The following CBARP variants were observed in gnomAD, a reference collection of about 807,000 sequenced individuals.
CBARP encodes CACN subunit beta associated regulatory protein, also known as voltage-dependent calcium channel beta subunit-associated regulatory protein.
In CBARP, 24 loss-of-function variants were observed where a neutral mutation model predicts 36.3. That is an observed-to-expected ratio of 0.66 (90% confidence interval 0.48 to 0.93). The LOEUF (loss-of-function observed/expected upper bound fraction) is 0.93, where lower values mean the gene tolerates loss of function less well. CBARP is among the 40% of genes least tolerant of loss of function. CBARP has a pLI of 0.00. For missense variants in CBARP, 1,146 were observed against 980.4 expected (o/e 1.17, Z -2.26); for synonymous variants, 586 against 453.2 (o/e 1.29, Z -3.72).
chr19:1,234,517 C>G (rs2080936243), intron 6 of CBARP, 54 bp downstream of exon 6: 1 of 1,535,006 alleles, frequency 6.5e-7, no homozygotes, highest in Non-Finnish European at 8.8e-7. Flanking sequence ...TCCGGGAGTC[C>G]CCGGGGCTGC....
Position 1,235,491 on chromosome 19 carries a change from A to G in CBARP, c.310+10T>C. 2 of 1,579,404 alleles carry G rather than the reference A, an allele frequency of 1.3e-6. No homozygotes were observed. The highest frequency in any genetic ancestry group is 1.4e-5 in the African/African-American group (1 of 73,614). On this transcript the variant is annotated intron_variant, in intron 4 of 9. Coordinates refer to ENST00000650044, the MANE Select transcript of CBARP (RefSeq NM_001393918.1). ...AGGCGAGCGCACAGCCAGGCTGGCC[A>G]GCACCTCACCTTGGGCTGGGTGGGT...
At chr19:1,235,238 G>A (rs1306608475) in intron 4 of CBARP, 93 bp from the exon 5 acceptor site, 1 of 1,322,374 alleles carries the variant, frequency 7.6e-7, no homozygotes, top group East Asian at 3.1e-5. Context: ...CCACGGCAGG[G>A]AGGGCTGGGG....
Position 1,231,268 on chromosome 19 carries a change from G to A in CBARP, c.987C>T (p.Pro329=), listed in dbSNP as rs777406939. The A allele has an allele frequency of 6.2e-7, 1 of 1,600,412 alleles. No individual in the cohort carries two copies. Among genetic ancestry groups the A allele is most frequent in the South Asian group, 1.1e-5 (1 of 91,050 alleles). The change falls in exon 9 of 10, where the codon CCC becomes CCT. Residue 329 remains proline (P), a synonymous_variant. Transcript: ENST00000650044. The stretch of plus-strand genomic sequence containing the variant: ...GCTGCCGCTGGAAGTGGTGCCGCTT[G>A]GGGGAACCTGCGCACGGGATGTGCC... ...RAASLDTRGS[P]KRHHFQRQRA... is the part of the protein sequence containing the mutation.
At chr19:1,237,021 G>T (rs1408915616) in intron 1 of CBARP, among the ~76,000 whole-genome samples, 1 of 152,154 alleles carries the variant, frequency 6.6e-6, no homozygotes, top group Non-Finnish European at 1.5e-5. Flanking sequence ...ACGCTGTGCG[G>T]CGCAGCCGGG....
In CBARP at chr19:1,229,371, G is replaced by T; in HGVS notation, c.1926C>A (p.Val642=). 8.6e-7 allele frequency: 1 copy of T among 1,165,992 alleles called. No individual in the cohort carries two copies. Among genetic ancestry groups the T allele is most frequent in the East Asian group, 1.0e-4 (1 of 10,026 alleles). The allele number at this position is 1,165,992 out of a possible 1,614,324, so 72.2% of individuals were successfully genotyped here. Residue 642 remains valine, a synonymous_variant, in exon 10 of 10, where the codon GTC becomes GTA. Transcript: ENST00000650044. This position sits in a 1 kb window ranked among gnomAD's most constrained non-coding sequence, Gnocchi z 5.1. ...CCCCGCCGCCCGGCTCCTCCTCGAT[G>T]ACGGGGATGGCGGGGTCGTCGCCGG... ...GGAGDDPAIP[V]IEEEPGGGGC...
In CBARP at chr19:1,234,687, G is replaced by A. The variant is rs138588991; in HGVS notation, c.511C>T (p.Leu171=). ...HHLKNARLTH[L]HLPPLKIVTI... is the part of the protein sequence containing the mutation. The stretch of plus-strand genomic sequence containing the variant: ...ACAATCTTGAGGGGCGGCAGGTGCA[G>A]GTGCGTGAGCCGGGCATTCTTCAGG... Residue 171 remains leucine, a synonymous_variant, in exon 6 of 10, where the codon CTG becomes TTG. Coordinates refer to ENST00000650044, the MANE Select transcript of CBARP (RefSeq NM_001393918.1). The A allele has an allele frequency of 1.9e-3, 3,034 of 1,613,076 alleles. 7 individuals carry two copies. The highest frequency in any genetic ancestry group is 2.4e-3 in the Non-Finnish European group (2,868 of 1,179,752).
rs369312374 is a variant in CBARP, at chr19:1,235,252, C to T, written c.311-107G>A. On this transcript the variant is annotated intron_variant, in intron 4 of 9. Coordinates refer to ENST00000650044, the MANE Select transcript of CBARP (RefSeq NM_001393918.1). Reference sequence around the variant, plus strand: ...GCCACGGCAGGGAGGGCTGGGGCCGCGGCACGGGCGGCCGGGCTGGCGGGG... The same window carrying T: ...GCCACGGCAGGGAGGGCTGGGGCCGTGGCACGGGCGGCCGGGCTGGCGGGG... 5.7e-5 allele frequency: 71 copies of T among 1,252,586 alleles called. No individual in the cohort carries two copies. The African/African-American group carries it at 7.8e-4, about 14-fold the overall frequency. The allele number at this position is 1,252,586 out of a possible 1,614,324, so 77.6% of individuals were successfully genotyped here.
intron 8 of CBARP, 49 bp from the exon 9 acceptor site, chr19:1,231,324 G>A (rs1250635813): frequency 1.2e-5 from 19 of 1,568,362 alleles, no homozygotes; most frequent in East Asian, 2.3e-5. Flanking sequence ...GCCTCCACCC[G>A]CTCCACACAC....
At chr19:1,232,506 TGGCCC>T (rs1469199181) in intron 8 of CBARP, among the ~76,000 whole-genome samples, 6 of 152,192 alleles carry the variant, frequency 3.9e-5, no homozygotes, top group Admixed American at 6.5e-5. Flanking sequence ...TGGGCTGCCC[TGGCCC>T]TGCTGAGCTG....
Position 1,234,995 on chromosome 19 carries a change from G to A in CBARP, c.455+6C>T, listed in dbSNP as rs754742693. The A allele has an allele frequency of 9.4e-6, 15 of 1,597,406 alleles. No individual in the cohort carries two copies. Among genetic ancestry groups the A allele is most frequent in the East Asian group, 4.5e-5 (2 of 44,518 alleles). ...CTGGGGTGCCTCCCAACGCCGCCCC[G>A]CTTACCGGCGACCCTTGTCCTGCGT... On this transcript the variant is annotated splice_donor_region_variant and intron_variant, in intron 5 of 9. Coordinates refer to ENST00000650044, the MANE Select transcript of CBARP (RefSeq NM_001393918.1).
Position 1,229,448 on chromosome 19 carries a change from G to A in CBARP, c.1849C>T (p.Arg617Trp). The A allele has an allele frequency of 1.0e-6, 1 of 983,354 alleles. No individual in the cohort carries two copies. The highest frequency in any genetic ancestry group is 1.2e-6 in the Non-Finnish European group (1 of 830,072). 60.9% of individuals were successfully genotyped at this position (983,354 alleles called of 1,614,324 possible). The stretch of plus-strand genomic sequence containing the variant: ...GGGCCGTCCACGCTGTCGCCGCGCC[G>A]CAAGGGCGCACGCGCGGGTCGGGCC... Reference protein sequence around the residue: ...GAARPARAPLRRGDSVDGPPD... With the variant: ...GAARPARAPLWRGDSVDGPPD... Residue 617 changes from arginine to tryptophan, a missense_variant, in exon 10 of 10, where the codon CGG becomes TGG. Arg to Trp is a moderately radical substitution (Grantham distance 101). Coordinates refer to ENST00000650044, the MANE Select transcript of CBARP (RefSeq NM_001393918.1). This position sits in a 1 kb window ranked among gnomAD's most constrained non-coding sequence, Gnocchi z 5.1.
At position 1,229,258 on chromosome 19, in the gene CBARP, G is replaced by C; in HGVS notation, c.2039C>G (p.Pro680Arg). The change falls in exon 10 of 10, where the codon CCG (proline) becomes CGG (arginine). Residue 680 changes from proline to arginine, a missense_variant. Transcript: ENST00000650044. This position sits in a 1 kb window ranked among gnomAD's most constrained non-coding sequence, Gnocchi z 5.1. ...CGCCACGACGGGCTCGGCGAGGCGC[G>C]GCGGAAAGAGTCTCTCGTCGAGGCC... ...AAGLDERLFP[P>R]RLAEPVVATP... 1 of 1,246,566 alleles carries C rather than the reference G, an allele frequency of 8.0e-7. No individual in the cohort carries two copies. The highest frequency in any genetic ancestry group is 1.0e-6 in the Non-Finnish European group (1 of 970,864). The allele number at this position is 1,246,566 out of a possible 1,614,324, so 77.2% of individuals were successfully genotyped here.
intron 9 of CBARP, chr19:1,230,721 G>T: frequency 1.6e-6 from 2 of 1,289,124 alleles, no homozygotes; most frequent in Non-Finnish European, 9.8e-7. Context: ...TGGCCGGAGT[G>T]GTCACAGCAG....
At chr19:1,235,657 T>G in intron 3 of CBARP, 92 bp from the exon 4 acceptor site, 1 of 1,586,286 alleles carries the variant, frequency 6.3e-7, no homozygotes, top group South Asian at 1.1e-5. Flanking sequence ...GCCCTGCGCA[T>G]CACCCAGTCT....
At position 1,234,624 on chromosome 19, in the gene CBARP, C is replaced by T. The variant is rs1405306850; in HGVS notation, c.574G>A (p.Ala192Thr). ...HECDSGEASSATTPHPATSPK... is the reference protein window; with the variant it reads ...HECDSGEASSTTTPHPATSPK... ...GAGGTGGCCGGGTGGGGCGTGGTGG[C>T]TGAGCTGGCCTCGCCTGAGTCACAC... The change falls in exon 6 of 10, where the codon GCC becomes ACC. Residue 192 changes from alanine to threonine, a missense_variant. Transcript: ENST00000650044. 2 of 1,609,860 alleles carry T rather than the reference C, an allele frequency of 1.2e-6. No individual in the cohort carries two copies. The highest frequency in any genetic ancestry group is 1.7e-6 in the Non-Finnish European group (2 of 1,178,724).
chr19:1,232,431 C>A (rs2080906439), intron 8 of CBARP, among the ~76,000 whole-genome samples: 1 of 152,188 alleles, frequency 6.6e-6, no homozygotes, highest in South Asian at 2.1e-4. Context: ...TGTCCCCTAT[C>A]CTGGCCTCAC....
At position 1,233,597 on chromosome 19, in the gene CBARP, C is replaced by CA. The variant is rs750445014; in HGVS notation, c.807_808insT (p.Gly270TrpfsTer73). The CA allele has an allele frequency of 5.6e-6, 9 of 1,610,472 alleles. No homozygotes were observed. The highest frequency in any genetic ancestry group is 5.9e-6 in the Non-Finnish European group (7 of 1,179,104). ...GCCTCCCCAGGCCCTGCTGCAGCCC[C>CA]GGGCCCTCCAGCCTTGGTGCTCCTG... On this transcript the variant is annotated frameshift_variant, in exon 8 of 10. Transcript: ENST00000650044. LOFTEE classifies it high-confidence loss of function.
At chr19:1,236,159 A>G in intron 1 of CBARP, 38 bp from the exon 2 acceptor site, 14 of 1,375,318 alleles carry the variant, frequency 1.0e-5, no homozygotes, top group South Asian at 6.8e-5. Flanking sequence ...AGCTAGACCT[A>G]CTTCTCCTGC....
chr19:1,237,137 A>C (rs2080986350), intron 1 of CBARP, among the ~76,000 whole-genome samples: 1 of 152,208 alleles, frequency 6.6e-6, no homozygotes. Flanking sequence ...AGAGGAGCGC[A>C]CAGGCGGCAG....
Sources: allele counts gnomAD v4.1 joint callset (sites outside exome capture counted in the v4.1 genomes callset), GRCh38; gene constraint gnomAD v4.1.1; non-coding constraint Gnocchi (gnomAD v3.1); transcripts MANE v1.5; gene names NCBI Gene and HGNC (gene_info 2026-07-23, HGNC 2026-07-21).